The following GRHL2 variants were observed in gnomAD, a reference collection of about 807,000 sequenced individuals.
GRHL2 encodes grainyhead-like protein 2 homolog.
A neutral mutation model predicts 83.8 loss-of-function variants in GRHL2; 21 were observed. The ratio of observed to expected loss-of-function variants is 0.25; its 90% CI spans 0.18 to 0.36. GRHL2 has a LOEUF of 0.36. Ranked by LOEUF, GRHL2 falls within the 10% of genes least tolerant of loss-of-function variation. The pLI, the probability that GRHL2 is intolerant of heterozygous loss-of-function variation, is 1.00. For missense variants in GRHL2, 623 were observed against 781.8 expected (o/e 0.80, Z 2.42); for synonymous variants, 280 against 278.9 (o/e 1.00, Z -0.04).
chr8:101,519,558 C>CTTT (rs1156774756), intron 1 of GRHL2, among the ~76,000 whole-genome samples: 6 of 130,304 alleles, frequency 4.6e-5, no homozygotes, highest in South Asian at 2.5e-4. Context: ...CCATGACCAG[C>CTTT]TTTTTTTTTT....
chr8:101,672,256 G>A (rs536725708), downstream of GRHL2, among the ~76,000 whole-genome samples: 15 of 151,646 alleles, frequency 9.9e-5, no homozygotes, highest in East Asian at 3.9e-4. Flanking sequence ...AAACTACTCC[G>A]AGCTACAGGA....
At chr8:101,514,478 G>A (rs1032825149) in intron 1 of GRHL2, among the ~76,000 whole-genome samples, 1 of 152,176 alleles carries the variant, frequency 6.6e-6, no homozygotes, top group Non-Finnish European at 1.5e-5. Flanking sequence ...GGGCTGGAGA[G>A]GTACCCAGCA....
At chr8:101,595,704 T>C (rs75727666) in intron 7 of GRHL2, among the ~76,000 whole-genome samples, 2,166 of 152,316 alleles carry the variant, frequency 0.014, 45 homozygotes, top group African/African-American at 0.05. Flanking sequence ...TCTTTGTTTT[T>C]TGTTTTCTCT....
At chr8:101,633,574 C>T (rs1322698334) in intron 11 of GRHL2, among the ~76,000 whole-genome samples, 1 of 152,176 alleles carries the variant, frequency 6.6e-6, no homozygotes, top group Non-Finnish European at 1.5e-5. Flanking sequence ...CATGACCCAA[C>T]ATGGTAATAA....
Position 101,576,693 on chromosome 8 carries a change from C to T in GRHL2, c.892-715C>T, listed in dbSNP as rs77400484. On this transcript the variant is annotated intron_variant, in intron 6 of 15. Coordinates refer to ENST00000646743, the MANE Select transcript of GRHL2 (RefSeq NM_024915.4). ...GGTACTGTCTCCATTTCATAAGTGA[C>T]GGTGAATTAATGTGTATTTAGTTTA... 9.4e-3 allele frequency among the ~76,000 whole-genome samples: 1,429 copies of T among 151,994 alleles called. 22 individuals carry two copies. The highest frequency in any genetic ancestry group is 0.032 in the African/African-American group (1,344 of 41,450).
At chr8:101,626,871 C>A (rs1813091958) in intron 9 of GRHL2, among the ~76,000 whole-genome samples, 2 of 152,002 alleles carry the variant, frequency 1.3e-5, no homozygotes, top group African/African-American at 4.8e-5. Context: ...GGAATGTTTT[C>A]TTTACTTTAA....
At chr8:101,498,243 C>T (rs1435117873) in intron 1 of GRHL2, among the ~76,000 whole-genome samples, 3 of 152,208 alleles carry the variant, frequency 2.0e-5, no homozygotes, top group African/African-American at 7.2e-5. Flanking sequence ...CTCAGCCTCC[C>T]CAGTAGCTGG....
intron 12 of GRHL2, 50 bp from the exon 13 acceptor site, chr8:101,644,081 T>C (rs773004669): frequency 6.6e-7 from 1 of 1,516,666 alleles, no homozygotes; most frequent in Admixed American, 1.7e-5. Context: ...TGAACGTGTG[T>C]TTTGACACCT....
At chr8:101,620,668 T>G (rs533772996) in intron 9 of GRHL2, among the ~76,000 whole-genome samples, 1 of 152,224 alleles carries the variant, frequency 6.6e-6, no homozygotes, top group Non-Finnish European at 1.5e-5. Context: ...ACCTGTGTGA[T>G]ATCAGCATTT....
intron 1 of GRHL2, among the ~76,000 whole-genome samples, chr8:101,534,835 G>A (rs1441824291): frequency 6.6e-6 from 1 of 152,228 alleles, no homozygotes; most frequent in African/African-American, 2.4e-5. Flanking sequence ...ACAGAGACAG[G>A]AAAGGCTGAG....
chr8:101,660,618 TCTTA>T (rs1217256942), intron 14 of GRHL2, among the ~76,000 whole-genome samples: 8 of 152,256 alleles, frequency 5.3e-5, no homozygotes, highest in Non-Finnish European at 1.0e-4. Context: ...TTTTGTGGCT[TCTTA>T]CTTTCTCTTT....
At chr8:101,649,601 G>A (rs1168726930) in intron 14 of GRHL2, 102 bp downstream of exon 14, 4 of 832,500 alleles carry the variant, frequency 4.8e-6, no homozygotes, top group Non-Finnish European at 8.1e-6. Flanking sequence ...TTCAGAATGA[G>A]CTTTATACAG....
intron 12 of GRHL2, among the ~76,000 whole-genome samples, chr8:101,641,745 C>A (rs1305284103): frequency 6.6e-6 from 1 of 152,122 alleles, no homozygotes; most frequent in Non-Finnish European, 1.5e-5. Flanking sequence ...GCTCTCCAGT[C>A]CTTTTGTGGT....
rs371692357 is a variant in GRHL2, at chr8:101,547,158, A to G, written c.216+3722A>G. On this transcript the variant is annotated intron_variant, in intron 2 of 15. Transcript: ENST00000646743. ...GCTTATATATGTTGGTGTTAAAGTT[A>G]TAACAAAGTTAAATGTCCCTTGAGG... Among the ~76,000 whole-genome samples the G allele has an allele frequency of 2.1e-4, 32 of 152,342 alleles. No homozygotes were observed. In the East Asian group the frequency reaches 5.6e-3, roughly 27 times the overall value.
intron 9 of GRHL2, among the ~76,000 whole-genome samples, chr8:101,621,897 C>G (rs1812973710): frequency 7.3e-6 from 1 of 136,482 alleles, no homozygotes; most frequent in Non-Finnish European, 1.6e-5. Flanking sequence ...AAAATAAAAT[C>G]CAATATACAT....
intron 9 of GRHL2, among the ~76,000 whole-genome samples, chr8:101,627,932 C>T (rs937734281): frequency 6.6e-6 from 1 of 152,126 alleles, no homozygotes; most frequent in Non-Finnish European, 1.5e-5. Flanking sequence ...GATGAGGAAG[C>T]TGCAGAAGAA....
intron 1 of GRHL2, chr8:101,542,763 T>G: frequency 2.2e-6 from 1 of 456,632 alleles, no homozygotes; most frequent in Non-Finnish European, 4.4e-6. Context: ...AAGGACTTCT[T>G]GCTGCATCAT....
chr8:101,564,005 A>C (rs1185924391), intron 4 of GRHL2, among the ~76,000 whole-genome samples: 3 of 152,212 alleles, frequency 2.0e-5, no homozygotes, highest in Admixed American at 6.5e-5. Context: ...ATGTGTTATC[A>C]GTTATGTTTG....
At chr8:101,656,914 A>C (rs2129735167) in intron 14 of GRHL2, among the ~76,000 whole-genome samples, 1 of 152,032 alleles carries the variant, frequency 6.6e-6, no homozygotes, top group East Asian at 1.9e-4. Context: ...ACAGGCAATG[A>C]CCGTGAGTGC....
Sources: gnomAD v4.1 joint callset for allele counts (sites outside exome capture counted in the v4.1 genomes callset) on GRCh38, gnomAD v4.1.1 for gene constraint, MANE v1.5 for transcripts, NCBI Gene and HGNC (gene_info 2026-07-23, HGNC 2026-07-21) for gene names.